The following STX3 variants were observed in gnomAD, a reference collection of about 807,000 sequenced individuals.
STX3 encodes the protein syntaxin 3.
In STX3, 19 loss-of-function variants were observed where a neutral mutation model predicts 40.2. The observed-to-expected ratio is 0.47, with a 90% CI of 0.33 to 0.69. The LOEUF (loss-of-function observed/expected upper bound fraction) is 0.69, where lower values mean the gene tolerates loss of function less well. STX3 is among the 30% of genes least tolerant of loss of function. STX3 has a pLI of 0.02. For synonymous variants in STX3, 122 were observed against 132.2 expected (o/e 0.92, Z 0.53); for missense variants, 364 against 366.7 (o/e 0.99, Z 0.06).
At position 59,793,183 on chromosome 11, in the gene STX3, T is replaced by C. The variant is rs745729141; in HGVS notation, c.540+11T>C. ...ATCTTCACTTCTGGGGTGAGTGCCC[T>C]GTGTGCTCGGATAGCACATCCCTCT... On this transcript the variant is annotated intron_variant, in intron 7 of 10. Coordinates refer to ENST00000337979, the MANE Select transcript of STX3 (RefSeq NM_004177.5). 1 of 1,612,722 alleles carries C rather than the reference T, an allele frequency of 6.2e-7. No individual in the cohort carries two copies. Among genetic ancestry groups the C allele is most frequent in the Non-Finnish European group, 8.5e-7 (1 of 1,179,726 alleles).
chr11:59,787,034 T>C lies in STX3; in HGVS notation c.115-3T>C. On this transcript the variant is annotated splice_polypyrimidine_tract_variant and splice_region_variant and intron_variant, in intron 2 of 10. Transcript: ENST00000337979. ...ATGAAGGTTATTGTCTTTCTGATTATAGATTGAGGAAACTCGGCTTAACAT... is the reference window on the plus strand; with the variant it reads ...ATGAAGGTTATTGTCTTTCTGATTACAGATTGAGGAAACTCGGCTTAACAT... 2 of 1,613,302 alleles carry C rather than the reference T, an allele frequency of 1.2e-6. No homozygotes were observed. Among genetic ancestry groups the C allele is most frequent in the Non-Finnish European group, 8.5e-7 (1 of 1,179,248 alleles).
In STX3 at chr11:59,800,287, T is replaced by G. The variant is rs11230083; in HGVS notation, c.*31-568T>G. On this transcript the variant is annotated intron_variant, in intron 10 of 10. Coordinates refer to ENST00000337979, the MANE Select transcript of STX3 (RefSeq NM_004177.5). Reference sequence around the variant, plus strand: ...AGGAGGGTAGACAGTGTGTTTATATTTCCTAGTAATGTGCCAGCTGCTTGC... The same window carrying G: ...AGGAGGGTAGACAGTGTGTTTATATGTCCTAGTAATGTGCCAGCTGCTTGC... 7.8e-5 allele frequency: 77 copies of G among 985,394 alleles called. 2 individuals are homozygous for G. The East Asian group carries it at 7.8e-3, about 100-fold the overall frequency. 61.0% of individuals were successfully genotyped at this position (985,394 alleles called of 1,614,324 possible). A position where few individuals can be genotyped will look rare whatever the true frequency, so the allele number is the denominator to read the frequency against.
At chr11:59,794,180 T>G (rs543750350) in intron 8 of STX3, among the ~76,000 whole-genome samples, 55 of 152,164 alleles carry the variant, frequency 3.6e-4, no homozygotes, top group Non-Finnish European at 7.4e-5. Flanking sequence ...AAAATAGCAT[T>G]GACAGAAAGA....
rs12790380 is a variant in STX3 at position 59,802,664 on chromosome 11, T to G, written c.*1840T>G. The G allele has an allele frequency of 1.8e-5, 18 of 985,634 alleles. No homozygotes were observed. Among genetic ancestry groups the G allele is most frequent in the Non-Finnish European group, 2.0e-5 (17 of 829,702 alleles). The allele number at this position is 985,634 out of a possible 1,614,324, so 61.1% of individuals were successfully genotyped here. On this transcript the variant is annotated 3_prime_UTR_variant, in exon 11 of 11. Transcript: ENST00000337979. ...TTTAGATGTAAACTTGATTATTTTATTGCTAATTTAAAAATAAAAATGACT... is the reference window on the plus strand; with the variant it reads ...TTTAGATGTAAACTTGATTATTTTAGTGCTAATTTAAAAATAAAAATGACT...
chr11:59,772,538 T>G (rs201867596), intron 1 of STX3, among the ~76,000 whole-genome samples: 1 of 152,170 alleles, frequency 6.6e-6, no homozygotes, highest in East Asian at 1.9e-4. Flanking sequence ...CAGGAAAATC[T>G]TTACTCCTAA....
At chr11:59,771,697 C>T (rs913465547) in intron 1 of STX3, among the ~76,000 whole-genome samples, 1 of 151,972 alleles carries the variant, frequency 6.6e-6, no homozygotes, top group Non-Finnish European at 1.5e-5. Flanking sequence ...ATGGTGTGTC[C>T]AACTGCTTGC....
In STX3 at chr11:59,800,936, T is replaced by C. The variant is rs1865857155; in HGVS notation, c.*112T>C. The stretch of plus-strand genomic sequence containing the variant: ...TCTGAATGGCCTTCCTGAGAGCGAG[T>C]GCGACCCGTTCCTTTGTTTCCTTGC... On this transcript the variant is annotated 3_prime_UTR_variant, in exon 11 of 11. Transcript: ENST00000337979. 3.3e-6 allele frequency: 5 copies of C among 1,536,012 alleles called. No homozygotes were observed. Among genetic ancestry groups the C allele is most frequent in the Non-Finnish European group, 2.6e-6 (3 of 1,146,834 alleles).
intron 2 of STX3, among the ~76,000 whole-genome samples, chr11:59,775,777 A>G (rs1274991088): frequency 1.3e-5 from 2 of 152,220 alleles, no homozygotes; most frequent in Non-Finnish European, 2.9e-5. Flanking sequence ...GCTGTTGAAG[A>G]TTTAACAAGA....
chr11:59,761,414 A>G (rs1863027358), intron 1 of STX3, among the ~76,000 whole-genome samples: 1 of 152,162 alleles, frequency 6.6e-6, no homozygotes, highest in Non-Finnish European at 1.5e-5. Context: ...GCAATTTCAG[A>G]TGCCACTGGC....
intron 2 of STX3, among the ~76,000 whole-genome samples, chr11:59,775,304 G>A (rs1863902524): frequency 6.6e-6 from 1 of 152,194 alleles, no homozygotes; most frequent in South Asian, 2.1e-4. Flanking sequence ...TGAGTCCAGT[G>A]TTACTCCAAT....
rs527614554 is a variant in STX3, at chr11:59,771,990, A to G, written c.31-1221A>G. ...AATGAGATGCTGGGGGAGCCAATCA[A>G]GAGACTGTCCACATGGCTGGAGAAT... On this transcript the variant is annotated intron_variant, in intron 1 of 10. Transcript: ENST00000337979. Among the ~76,000 whole-genome samples the G allele has an allele frequency of 4.0e-4, 61 of 152,318 alleles. 1 individual carries two copies. The highest frequency in any genetic ancestry group is 1.9e-3 in the Admixed American group (29 of 15,308).
Position 59,802,807 on chromosome 11 carries a change from A to T in STX3, c.*1983A>T, listed in dbSNP as rs561789090. 1 of 988,186 alleles carries T rather than the reference A, an allele frequency of 1.0e-6. No individual in the cohort carries two copies. Among genetic ancestry groups the T allele is most frequent in the African/African-American group, 1.7e-5 (1 of 57,370 alleles). 61.2% of individuals were successfully genotyped at this position (988,186 alleles called of 1,614,324 possible). On this transcript the variant is annotated 3_prime_UTR_variant, in exon 11 of 11. Coordinates refer to ENST00000337979, the MANE Select transcript of STX3 (RefSeq NM_004177.5). ...AATGCAGTTCACACCTTTTTAAGCC[A>T]TGTGCTGGATCAGATGGTTCAAAAG...
chr11:59,782,535 A>G (rs563683194), intron 2 of STX3, among the ~76,000 whole-genome samples: 3 of 152,184 alleles, frequency 2.0e-5, no homozygotes, highest in Admixed American at 2.0e-4. Flanking sequence ...GATAATTCTC[A>G]TTTCACAGAT....
intron 1 of STX3, among the ~76,000 whole-genome samples, chr11:59,761,310 A>T (rs145453379): frequency 1.3e-5 from 2 of 152,282 alleles, no homozygotes; most frequent in East Asian, 3.9e-4. Flanking sequence ...TTCCAGTGTC[A>T]TCCAGCTTCC....
intron 2 of STX3, among the ~76,000 whole-genome samples, chr11:59,782,774 C>CT (rs1428038242): frequency 6.6e-6 from 1 of 151,624 alleles, no homozygotes; most frequent in African/African-American, 2.4e-5. Flanking sequence ...GGGCGGATCA[C>CT]TTGAGCTCAG....
At chr11:59,761,670 G>A (rs1863044956) in intron 1 of STX3, among the ~76,000 whole-genome samples, 1 of 152,006 alleles carries the variant, frequency 6.6e-6, no homozygotes, top group Admixed American at 6.6e-5. Context: ...CCTGCTTTTT[G>A]GCATTGGACC....
intron 10 of STX3, among the ~76,000 whole-genome samples, chr11:59,798,615 G>A (rs1294669224): frequency 2.7e-5 from 4 of 149,534 alleles, no homozygotes; most frequent in African/African-American, 9.9e-5. Flanking sequence ...CGCCTCCTGG[G>A]TTCAAGCGAT....
In STX3 at chr11:59,773,599, A is replaced by G. The variant is rs146221405; in HGVS notation, c.114+305A>G. 1.3e-3 allele frequency among the ~76,000 whole-genome samples: 197 copies of G among 152,344 alleles called. 3 individuals are homozygous for G. Among genetic ancestry groups the G allele is most frequent in the African/African-American group, 4.5e-3 (186 of 41,586 alleles). ...CTTTCTTGCTTAAAGTACATAACAA[A>G]TACAGAATCAACCATAGGATCACAA... On this transcript the variant is annotated intron_variant, in intron 2 of 10. Coordinates refer to ENST00000337979, the MANE Select transcript of STX3 (RefSeq NM_004177.5).
chr11:59,781,184 A>G, intron 2 of STX3: 2 of 686,048 alleles, frequency 2.9e-6, no homozygotes, highest in Non-Finnish European at 4.9e-6. Flanking sequence ...TGCATGTAAA[A>G]TGTTTATGAT....
Sources: allele counts gnomAD v4.1 joint callset (sites outside exome capture counted in the v4.1 genomes callset), GRCh38; gene constraint gnomAD v4.1.1; transcripts MANE v1.5; gene names NCBI Gene and HGNC (gene_info 2026-07-23, HGNC 2026-07-21).